Variants in CDH13 observed in about 807,000 individuals in gnomAD.
CDH13 encodes the protein cadherin-13.
A neutral mutation model predicts 63.8 loss-of-function variants in CDH13; 24 were observed. The ratio of observed to expected loss-of-function variants is 0.38; its 90% CI spans 0.27 to 0.53. The LOEUF is 0.53. CDH13 is among the 20% of genes least tolerant of loss of function. The pLI is 0.85. For missense variants in CDH13, 1,049 were observed against 903.1 expected (o/e 1.16, Z -2.07); for synonymous variants, 503 against 355.3 (o/e 1.42, Z -4.67).
chr16:83,549,038 G>C (rs1397137470), intron 7 of CDH13, among the ~76,000 whole-genome samples: 1 of 152,178 alleles, frequency 6.6e-6, no homozygotes, highest in Non-Finnish European at 1.5e-5. Flanking sequence ...CTGTGTGCTT[G>C]TCAGTGCTCT....
intron 1 of CDH13, among the ~76,000 whole-genome samples, chr16:82,855,477 T>C (rs187497503): frequency 4.7e-4 from 71 of 152,314 alleles, no homozygotes; most frequent in Non-Finnish European, 8.2e-4. Context: ...AGGCACTGGG[T>C]GTATGGAGGA....
intron 5 of CDH13, among the ~76,000 whole-genome samples, chr16:83,298,455 A>G (rs1467860687): frequency 1.3e-5 from 2 of 152,172 alleles, no homozygotes; most frequent in African/African-American, 4.8e-5. Context: ...ACGGATTCCT[A>G]GGCCCTACCT....
In CDH13 at chr16:82,999,725, G is replaced by A. The variant is rs752974935; in HGVS notation, c.158-32285G>A. On this transcript the variant is annotated intron_variant, in intron 2 of 13. Coordinates refer to ENST00000567109, the MANE Select transcript of CDH13 (RefSeq NM_001257.5). ...AAACACAGTTTGCACTATATATTCC[G>A]AAGGGCAAGGACCCCTCTCCAGCAG... Among the ~76,000 whole-genome samples the A allele has an allele frequency of 5.6e-4, 85 of 152,108 alleles. 2 individuals are homozygous for A. The highest frequency in any genetic ancestry group is 3.3e-4 in the Admixed American group (5 of 15,284).
intron 6 of CDH13, among the ~76,000 whole-genome samples, chr16:83,442,029 C>T (rs1185833007): frequency 6.6e-6 from 1 of 152,124 alleles, no homozygotes; most frequent in Non-Finnish European, 1.5e-5. Flanking sequence ...AGCGAGATGA[C>T]AGAGTCTTTT....
At chr16:83,020,167 C>T (rs973404622) in intron 2 of CDH13, among the ~76,000 whole-genome samples, 6 of 152,160 alleles carry the variant, frequency 3.9e-5, no homozygotes, top group African/African-American at 7.2e-5. Flanking sequence ...ACAAATATGA[C>T]GTCATGCAAA....
intron 7 of CDH13, among the ~76,000 whole-genome samples, chr16:83,597,215 C>G (rs1567794354): frequency 8.1e-6 from 1 of 122,952 alleles, no homozygotes; most frequent in Non-Finnish European, 1.6e-5. Context: ...AGAGCAAGAC[C>G]CTGACTCACA....
chr16:83,054,653 G>A (rs572088302), intron 3 of CDH13, among the ~76,000 whole-genome samples: 1 of 152,208 alleles, frequency 6.6e-6, no homozygotes, highest in South Asian at 2.1e-4. Context: ...ACTACAGAAA[G>A]CAAAACTACA....
At chr16:83,123,695 G>A (rs557556475) in intron 3 of CDH13, among the ~76,000 whole-genome samples, 3 of 152,214 alleles carry the variant, frequency 2.0e-5, no homozygotes, top group East Asian at 3.9e-4. Flanking sequence ...TTGATATAAC[G>A]ATTCCTTTTC....
At chr16:82,972,702 G>A (rs998502784) in intron 2 of CDH13, among the ~76,000 whole-genome samples, 4 of 152,130 alleles carry the variant, frequency 2.6e-5, no homozygotes, top group East Asian at 1.9e-4. Context: ...TGGTAGATTG[G>A]CACCATTCCA....
At chr16:82,954,324 G>C (rs1049297610) in intron 2 of CDH13, 2 of 152,154 alleles carry the variant, frequency 1.3e-5, no homozygotes, top group Non-Finnish European at 1.5e-5. Context: ...AAGGGAAGGG[G>C]CTGAGCATGT....
intron 1 of CDH13, among the ~76,000 whole-genome samples, chr16:82,718,327 C>T (rs8046873): frequency 0.1 from 15,422 of 152,144 alleles, 1,029 homozygotes; most frequent in African/African-American, 0.17. Context: ...CAGGTATTCC[C>T]AGTAAGCAGC....
rs182975446 is a variant in CDH13, at chr16:83,227,763, C to T, written c.636+10266C>T. ...GAGCATCTGGGGACCATAGAGCCAG[C>T]GTCCACGCCAGGCAGTGCAGACTCG... On this transcript the variant is annotated intron_variant, in intron 5 of 13. Coordinates refer to ENST00000567109, the MANE Select transcript of CDH13 (RefSeq NM_001257.5). Among the ~76,000 whole-genome samples the T allele has an allele frequency of 3.6e-3, 551 of 152,248 alleles. 7 individuals carry two copies. Among genetic ancestry groups the T allele is most frequent in the African/African-American group, 0.013 (521 of 41,550 alleles).
At chr16:83,126,296 G>T (rs1036776518) in intron 4 of CDH13, among the ~76,000 whole-genome samples, 7 of 152,194 alleles carry the variant, frequency 4.6e-5, no homozygotes, top group Non-Finnish European at 1.0e-4. Flanking sequence ...CACGTGGTTA[G>T]TCCCTGCTTC....
intron 5 of CDH13, among the ~76,000 whole-genome samples, chr16:83,311,244 T>A (rs996094025): frequency 6.6e-6 from 1 of 152,184 alleles, no homozygotes; most frequent in African/African-American, 2.4e-5. Flanking sequence ...ATGACCTCCT[T>A]TGGGGCTTGG....
chr16:82,885,188 C>T (rs1380919006), intron 2 of CDH13, among the ~76,000 whole-genome samples: 2 of 152,140 alleles, frequency 1.3e-5, no homozygotes, highest in African/African-American at 2.4e-5. Context: ...GAGCACTACT[C>T]TTATGGCTTT....
chr16:83,069,396 A>T (rs928484571), intron 3 of CDH13, among the ~76,000 whole-genome samples: 5 of 152,200 alleles, frequency 3.3e-5, no homozygotes, highest in African/African-American at 1.2e-4. Flanking sequence ...TTCTTTTCTA[A>T]GAATCACCTA....
chr16:83,379,051 C>G (rs1317468386), intron 6 of CDH13, among the ~76,000 whole-genome samples: 1 of 151,520 alleles, frequency 6.6e-6, no homozygotes, highest in Non-Finnish European at 1.5e-5. Flanking sequence ...TATGCTTATC[C>G]TTGATGTCAT....
At chr16:83,780,512 T>C (rs2151008513) in intron 12 of CDH13, among the ~76,000 whole-genome samples, 2 of 152,186 alleles carry the variant, frequency 1.3e-5, no homozygotes, top group East Asian at 3.8e-4. Flanking sequence ...CAATATTCTA[T>C]CTTTAAAATT....
chr16:82,931,635 A>G (rs999571298), intron 2 of CDH13, among the ~76,000 whole-genome samples: 1 of 151,962 alleles, frequency 6.6e-6, no homozygotes, highest in African/African-American at 2.4e-5. Context: ...AGTTTAATGG[A>G]CTCACAGTTC....
Sources: gnomAD v4.1 joint callset for allele counts (sites outside exome capture counted in the v4.1 genomes callset) on GRCh38, gnomAD v4.1.1 for gene constraint, MANE v1.5 for transcripts, NCBI Gene and HGNC (gene_info 2026-07-23, HGNC 2026-07-21) for gene names.